Variants in BACH2 observed in about 807,000 individuals in gnomAD.
The protein encoded by BACH2 is BACH transcriptional regulator 2.
BACH2 carries 5 observed loss-of-function variants against 61.8 expected under a neutral mutation model. The observed-to-expected ratio is 0.08, with a 90% CI of 0.04 to 0.17. BACH2 has a LOEUF of 0.17. BACH2 is among the 10% of genes least tolerant of loss of function. The pLI is 1.00. For missense variants in BACH2, 824 were observed against 1,091.1 expected (o/e 0.76, Z 3.45); for synonymous variants, 446 against 440.1 (o/e 1.01, Z -0.17).
intron 3 of BACH2, chr6:90,218,160 G>A (rs1327972336): frequency 1.3e-5 from 2 of 152,280 alleles, no homozygotes; most frequent in Non-Finnish European, 2.9e-5. Context: ...TGACATCACA[G>A]AGCAAACTCA....
intron 1 of BACH2, among the ~76,000 whole-genome samples, chr6:90,274,686 G>A (rs1771637268): frequency 6.6e-6 from 1 of 152,182 alleles, no homozygotes; most frequent in African/African-American, 2.4e-5. Flanking sequence ...ACGTATAAAA[G>A]TATATCAGAA....
intron 5 of BACH2, among the ~76,000 whole-genome samples, chr6:90,057,170 G>C (rs548877634): frequency 8.7e-4 from 133 of 152,036 alleles, no homozygotes; most frequent in Non-Finnish European, 1.4e-3. Context: ...TTCAAAAAAT[G>C]AATGAATCCA....
At chr6:90,093,079 T>C (rs1782239793) in intron 4 of BACH2, among the ~76,000 whole-genome samples, 1 of 152,182 alleles carries the variant, frequency 6.6e-6, no homozygotes, top group African/African-American at 2.4e-5. Context: ...CCTAAAGGAA[T>C]GGCCAGGGTG....
At position 90,089,029 on chromosome 6, in the gene BACH2, T is replaced by A. The variant is rs1782047428; in HGVS notation, c.-81A>T. 1 of 152,316 alleles carries A rather than the reference T, an allele frequency of 6.6e-6. No homozygotes were observed. Among genetic ancestry groups the A allele is most frequent in the Non-Finnish European group, 1.5e-5 (1 of 68,062 alleles). 9.4% of individuals were successfully genotyped at this position (152,316 alleles called of 1,614,324 possible). ...GCAGGGAACTGGGCGAAGGGAGAGA[T>A]GAGAAGGCTCTGGCAATCCATTCAG... On this transcript the variant is annotated 5_prime_UTR_variant, in exon 5 of 9. Transcript: ENST00000257749.
intron 5 of BACH2, among the ~76,000 whole-genome samples, chr6:90,011,110 C>T (rs1246310993): frequency 1.3e-5 from 2 of 151,976 alleles, no homozygotes; most frequent in Non-Finnish European, 2.9e-5. Flanking sequence ...ATCTTGGTGT[C>T]ACATCTAAAA....
At chr6:90,014,458 ATATATATATATTTTTTT>A (rs1328541049) in intron 5 of BACH2, among the ~76,000 whole-genome samples, 27 of 67,594 alleles carry the variant, frequency 4.0e-4, no homozygotes, top group Middle Eastern at 6.9e-3. Flanking sequence ...ATATATATAT[ATATATATATATTTTTTT>A]TTTTTTTTTT....
chr6:90,122,736 A>G (rs1436395889), intron 4 of BACH2, among the ~76,000 whole-genome samples: 4 of 152,216 alleles, frequency 2.6e-5, no homozygotes, highest in African/African-American at 9.6e-5. Context: ...TGGCTCTCCC[A>G]GCCCCTCTGA....
chr6:90,216,006 G>C (rs570289035), intron 3 of BACH2, among the ~76,000 whole-genome samples: 6 of 152,306 alleles, frequency 3.9e-5, no homozygotes, highest in African/African-American at 1.2e-4. Context: ...ACTGCACACT[G>C]ATGTTTTAGT....
intron 4 of BACH2, among the ~76,000 whole-genome samples, chr6:90,202,978 T>G (rs879412984): frequency 4.6e-5 from 7 of 152,204 alleles, no homozygotes; most frequent in Admixed American, 2.0e-4. Context: ...CTCTATAGCA[T>G]GATAATGCAG....
At chr6:89,981,162 C>T (rs1034560337) in intron 6 of BACH2, among the ~76,000 whole-genome samples, 3 of 150,280 alleles carry the variant, frequency 2.0e-5, no homozygotes, top group Middle Eastern at 3.4e-3. Flanking sequence ...CAAACAGTCT[C>T]GCTCTGTCGC....
At chr6:90,134,359 G>A (rs1345931349) in intron 4 of BACH2, among the ~76,000 whole-genome samples, 4 of 152,202 alleles carry the variant, frequency 2.6e-5, no homozygotes, top group Admixed American at 6.5e-5. Flanking sequence ...CTGTAATACA[G>A]TATAGAAATA....
chr6:90,201,111 T>C (rs1043911044), intron 4 of BACH2, among the ~76,000 whole-genome samples: 1 of 152,226 alleles, frequency 6.6e-6, no homozygotes, highest in Non-Finnish European at 1.5e-5. Context: ...ATGGCTGTAC[T>C]ATGGTTATTC....
intron 8 of BACH2, among the ~76,000 whole-genome samples, chr6:89,936,491 C>A (rs1198102481): frequency 6.6e-6 from 1 of 152,156 alleles, no homozygotes; most frequent in African/African-American, 2.4e-5. Context: ...GGAGGAATGT[C>A]CAAGGCAGAG....
intron 1 of BACH2, among the ~76,000 whole-genome samples, chr6:90,281,464 C>G (rs907295872): frequency 6.6e-6 from 1 of 152,092 alleles, no homozygotes; most frequent in African/African-American, 2.4e-5. Flanking sequence ...TAAAACACTG[C>G]CAGGACCTCA....
intron 2 of BACH2, among the ~76,000 whole-genome samples, chr6:90,268,295 T>C (rs1403670814): frequency 6.6e-6 from 1 of 152,158 alleles, no homozygotes; most frequent in Non-Finnish European, 1.5e-5. Context: ...CATGAACCAC[T>C]GTACCCGAAC....
chr6:90,292,372 C>T (rs1425850411), intron 1 of BACH2, among the ~76,000 whole-genome samples: 3 of 152,190 alleles, frequency 2.0e-5, no homozygotes, highest in African/African-American at 7.2e-5. Flanking sequence ...TGAGTGTTCT[C>T]AAATGTCAAA....
At chr6:90,289,452 G>C (rs1462100414) in intron 1 of BACH2, among the ~76,000 whole-genome samples, 2 of 152,244 alleles carry the variant, frequency 1.3e-5, no homozygotes, top group East Asian at 3.9e-4. Context: ...AGAAAATAGA[G>C]GGGTGTTAGC....
At chr6:90,263,804 C>T (rs896715341) in intron 2 of BACH2, among the ~76,000 whole-genome samples, 11 of 152,168 alleles carry the variant, frequency 7.2e-5, no homozygotes, top group African/African-American at 2.7e-4. Flanking sequence ...CATTAGTAAA[C>T]ATTTCTGACT....
chr6:90,006,083 T>C (rs1018646154), intron 6 of BACH2, among the ~76,000 whole-genome samples: 1 of 152,232 alleles, frequency 6.6e-6, no homozygotes, highest in Admixed American at 6.5e-5. Context: ...AAAGAAACTT[T>C]AAGGTTATGT....
Sources: gnomAD v4.1 joint callset for allele counts (sites outside exome capture counted in the v4.1 genomes callset) on GRCh38, gnomAD v4.1.1 for gene constraint, MANE v1.5 for transcripts, NCBI Gene and HGNC (gene_info 2026-07-23, HGNC 2026-07-21) for gene names.